The following PALS2 variants were observed in gnomAD, a reference collection of about 807,000 sequenced individuals.
PALS2 encodes protein associated with LIN7 2, MAGUK p55 family member.
A neutral mutation model predicts 61.6 loss-of-function variants in PALS2; 27 were observed. The observed-to-expected ratio is 0.44, with a 90% confidence interval of 0.32 to 0.60. The LOEUF (loss-of-function observed/expected upper bound fraction) is 0.60. PALS2 is among the 20% of genes least tolerant of loss of function. The pLI, the probability that PALS2 is intolerant of heterozygous loss-of-function variation, is 0.05. For missense variants in PALS2, 554 were observed against 639.4 expected (o/e 0.87, Z 1.44); for synonymous variants, 236 against 218.6 (o/e 1.08, Z -0.70).
At chr7:24,628,372 T>G (rs933637629) in intron 2 of PALS2, among the ~76,000 whole-genome samples, 18 of 152,116 alleles carry the variant, frequency 1.2e-4, no homozygotes, top group Non-Finnish European at 2.2e-4. Flanking sequence ...TATCTCAAAA[T>G]AAGAGCTATT....
intron 1 of PALS2, among the ~76,000 whole-genome samples, chr7:24,617,706 G>GGT (rs1353419122): frequency 6.6e-6 from 1 of 152,182 alleles, no homozygotes; most frequent in African/African-American, 2.4e-5. Flanking sequence ...CTTTGCCAGG[G>GGT]GTGGGCTCAC....
chr7:24,656,583 A>G (rs1343116738), intron 5 of PALS2, among the ~76,000 whole-genome samples: 1 of 152,064 alleles, frequency 6.6e-6, no homozygotes, highest in Non-Finnish European at 1.5e-5. Flanking sequence ...GTGCAGTGAC[A>G]TGATCACAGC....
chr7:24,652,841 T>G (rs1275823792), intron 5 of PALS2, among the ~76,000 whole-genome samples: 2 of 152,166 alleles, frequency 1.3e-5, no homozygotes, highest in Non-Finnish European at 2.9e-5. Flanking sequence ...AAAAGCATAG[T>G]CAGTAGATGA....
chr7:24,594,295 A>G (rs1047302672), intron 1 of PALS2, among the ~76,000 whole-genome samples: 2 of 152,022 alleles, frequency 1.3e-5, no homozygotes, highest in African/African-American at 2.4e-5. Flanking sequence ...TCTCCAGACC[A>G]CTCAAACTTT....
intron 4 of PALS2, 106 bp downstream of exon 4, chr7:24,649,870 A>G: frequency 8.9e-7 from 1 of 1,119,492 alleles, no homozygotes; most frequent in Non-Finnish European, 1.2e-6. Flanking sequence ...TGTTATGAAA[A>G]CTGTATTCTT....
At chr7:24,595,726 C>G (rs1783498788) in intron 1 of PALS2, among the ~76,000 whole-genome samples, 1 of 150,282 alleles carries the variant, frequency 6.7e-6, no homozygotes, top group African/African-American at 2.5e-5. Flanking sequence ...GAAAATGAAA[C>G]TAAAAGGATG....
chr7:24,641,133 A>G (rs1157590334), intron 2 of PALS2, among the ~76,000 whole-genome samples: 1 of 151,824 alleles, frequency 6.6e-6, no homozygotes, highest in African/African-American at 2.4e-5. Context: ...ACAGATGATC[A>G]TTTCCCTGAT....
chr7:24,639,814 ATTTTTTT>A (rs61073575), intron 2 of PALS2, among the ~76,000 whole-genome samples: 11 of 96,250 alleles, frequency 1.1e-4, no homozygotes, highest in African/African-American at 3.6e-4. Flanking sequence ...TTCTAGTCTA[ATTTTTTT>A]TTTTTTTTTT....
At position 24,641,820 on chromosome 7, in the gene PALS2, T is replaced by C. The variant is rs753669387; in HGVS notation, c.222T>C (p.Asp74=). 1 of 1,613,256 alleles carries C rather than the reference T, an allele frequency of 6.2e-7. No individual in the cohort carries two copies. Among genetic ancestry groups the C allele is most frequent in the Non-Finnish European group, 8.5e-7 (1 of 1,179,700 alleles). The stretch of plus-strand genomic sequence containing the variant: ...ACATCACTCCTCTAATAAATGTGGA[T>C]GAAAATGTGGCAGAATTGGTTGGTA... The part of the protein sequence containing the change: ...LEDITPLINV[D]ENVAELVGIL... Residue 74 remains aspartate, a synonymous_variant, in exon 3 of 12, where the codon GAT becomes GAC. Transcript: ENST00000222644.
At chr7:24,593,329 C>G (rs1172237607) in intron 1 of PALS2, among the ~76,000 whole-genome samples, 1 of 152,088 alleles carries the variant, frequency 6.6e-6, no homozygotes, top group Non-Finnish European at 1.5e-5. Context: ...TCTTGAATCC[C>G]TCAAAGTCAT....
Position 24,591,425 on chromosome 7 carries a change from A to G in PALS2, c.-3+17832A>G, listed in dbSNP as rs532765184. ...TCTTACCATAAAGTCTAGCTATATA[A>G]AGCAAATCACATTACAATGATGAGA... On this transcript the variant is annotated intron_variant, in intron 1 of 11. Transcript: ENST00000222644. Among the ~76,000 whole-genome samples the G allele has an allele frequency of 5.3e-5, 8 of 152,212 alleles. No homozygotes were observed. The South Asian group carries it at 1.2e-3, about 24-fold the overall frequency.
intron 11 of PALS2, among the ~76,000 whole-genome samples, chr7:24,682,737 C>G (rs1787998492): frequency 6.6e-6 from 1 of 152,140 alleles, no homozygotes; most frequent in African/African-American, 2.4e-5. Context: ...TCTGTAAATT[C>G]TCACTGCCAC....
In PALS2 at chr7:24,694,002, A is replaced by T. The variant is rs1166422538; in HGVS notation, c.*6388A>T. Reference sequence around the variant, plus strand: ...AAGTAACTGTAGAAGAGAATCTTTAAAAAAAAAAATGGAGGGCAGAATGCT... The same window carrying T: ...AAGTAACTGTAGAAGAGAATCTTTATAAAAAAAAATGGAGGGCAGAATGCT... On this transcript the variant is annotated 3_prime_UTR_variant, in exon 12 of 12. Transcript: ENST00000222644. 6.6e-6 allele frequency: 1 copy of T among 150,434 alleles called. No homozygotes were observed. The highest frequency in any genetic ancestry group is 2.4e-5 in the African/African-American group (1 of 41,098). 9.3% of individuals were successfully genotyped at this position (150,434 alleles called of 1,614,324 possible).
intron 2 of PALS2, among the ~76,000 whole-genome samples, chr7:24,635,530 C>A (rs1785193970): frequency 1.3e-5 from 2 of 152,114 alleles, no homozygotes; most frequent in East Asian, 3.9e-4. Context: ...ACCTGAATGG[C>A]TTTTTTATTT....
At chr7:24,656,084 T>C (rs1786402034) in intron 5 of PALS2, among the ~76,000 whole-genome samples, 1 of 152,206 alleles carries the variant, frequency 6.6e-6, no homozygotes, top group Non-Finnish European at 1.5e-5. Flanking sequence ...GGAAAATCTC[T>C]TAGCAATGAT....
At chr7:24,648,770 T>A (rs1785978329) in intron 3 of PALS2, among the ~76,000 whole-genome samples, 1 of 151,788 alleles carries the variant, frequency 6.6e-6, no homozygotes, top group Non-Finnish European at 1.5e-5. Flanking sequence ...CTGGGCATGG[T>A]GGCATGCGCC....
chr7:24,640,744 C>G (rs372353707), intron 2 of PALS2, among the ~76,000 whole-genome samples: 11 of 152,132 alleles, frequency 7.2e-5, no homozygotes, highest in East Asian at 1.9e-4. Flanking sequence ...GGCGGTGGCT[C>G]ATGCCTGTAA....
chr7:24,628,974 G>A (rs1477724061), intron 2 of PALS2, among the ~76,000 whole-genome samples: 1 of 152,154 alleles, frequency 6.6e-6, no homozygotes, highest in Non-Finnish European at 1.5e-5. Flanking sequence ...TTTCTTCACA[G>A]AGTTAGAAAA....
chr7:24,661,884 G>A (rs188190614), intron 5 of PALS2, among the ~76,000 whole-genome samples: 1 of 152,142 alleles, frequency 6.6e-6, no homozygotes, highest in Non-Finnish European at 1.5e-5. Context: ...ATCCCATCAG[G>A]TATGCTGTCA....
Sources: allele counts gnomAD v4.1 joint callset (sites outside exome capture counted in the v4.1 genomes callset), GRCh38; gene constraint gnomAD v4.1.1; transcripts MANE v1.5; gene names NCBI Gene and HGNC (gene_info 2026-07-23, HGNC 2026-07-21).